Variants in FAM168A observed in about 807,000 individuals in gnomAD.
The protein encoded by FAM168A is protein FAM168A.
FAM168A carries 3 observed loss-of-function variants against 28.5 expected under a neutral mutation model. The ratio of observed to expected loss-of-function variants is 0.11; its 90% CI spans 0.05 to 0.27. The LOEUF (loss-of-function observed/expected upper bound fraction) is 0.27, where lower values mean the gene tolerates loss of function less well. Ranked by LOEUF, FAM168A falls within the 10% of genes least tolerant of loss-of-function variation. The pLI is 1.00. For synonymous variants in FAM168A, 122 were observed against 124.2 expected, an observed-to-expected ratio of 0.98 and a Z score of 0.12; for missense variants, 222 against 311.5, an observed-to-expected ratio of 0.71 and a Z score of 2.16.
chr11:73,542,355 T>A (rs1219103136), intron 1 of FAM168A, among the ~76,000 whole-genome samples: 1 of 152,224 alleles, frequency 6.6e-6, no homozygotes, highest in Admixed American at 6.5e-5. Flanking sequence ...ACTCTATAAG[T>A]GGCAATTCTA....
intron 2 of FAM168A, among the ~76,000 whole-genome samples, chr11:73,433,262 T>C (rs562718070): frequency 7.4e-4 from 112 of 151,948 alleles, no homozygotes; most frequent in Non-Finnish European, 1.4e-3. Context: ...CTGCAGAAGT[T>C]CTTTATATAT....
chr11:73,527,359 C>T (rs1049675282), intron 1 of FAM168A, among the ~76,000 whole-genome samples: 3 of 152,144 alleles, frequency 2.0e-5, no homozygotes, highest in Non-Finnish European at 4.4e-5. Context: ...TAAGCCCTGA[C>T]CCATCCCACA....
At position 73,556,221 on chromosome 11, in the gene FAM168A, T is replaced by C. The variant is rs376677141; in HGVS notation, c.-19+41702A>G. 3.9e-4 allele frequency among the ~76,000 whole-genome samples: 60 copies of C among 152,108 alleles called. No individual in the cohort carries two copies. The South Asian group carries it at 0.012, about 32-fold the overall frequency. The stretch of plus-strand genomic sequence containing the variant: ...TTAATTAGCCAAGTGTGGTGATACA[T>C]GCCTGTAGTCCTAGCTGGTTGGGAG... On this transcript the variant is annotated intron_variant, in intron 1 of 7. Transcript: ENST00000356467.
At chr11:73,563,683 A>G (rs1943985169) in intron 1 of FAM168A, among the ~76,000 whole-genome samples, 1 of 152,186 alleles carries the variant, frequency 6.6e-6, no homozygotes, top group Non-Finnish European at 1.5e-5. Context: ...ACTCACAACA[A>G]CCCTTTGAGC....
intron 1 of FAM168A, among the ~76,000 whole-genome samples, chr11:73,541,044 A>C (rs1481809930): frequency 6.6e-6 from 1 of 152,042 alleles, no homozygotes; most frequent in African/African-American, 2.4e-5. Context: ...CTCTCTACTA[A>C]AAATACGAAA....
intron 1 of FAM168A, among the ~76,000 whole-genome samples, chr11:73,525,243 G>A (rs374581500): frequency 1.3e-5 from 2 of 152,042 alleles, no homozygotes; most frequent in Admixed American, 6.6e-5. Flanking sequence ...AGACACGTAC[G>A]AACAGTAGAG....
intron 1 of FAM168A, among the ~76,000 whole-genome samples, chr11:73,552,362 C>T (rs1446922427): frequency 1.3e-5 from 2 of 152,146 alleles, no homozygotes; most frequent in Non-Finnish European, 2.9e-5. Context: ...TACATGGTAA[C>T]ATTTAACACT....
Position 73,430,811 on chromosome 11 carries a change from A to C in FAM168A, c.71-41T>G, listed in dbSNP as rs1297306353. 5 of 1,302,266 alleles carry C rather than the reference A, an allele frequency of 3.8e-6. No individual in the cohort carries two copies. The Admixed American group carries it at 7.2e-5, about 19-fold the overall frequency. The allele number at this position is 1,302,266 out of a possible 1,614,324, so 80.7% of individuals were successfully genotyped here. A position where few individuals can be genotyped will look rare whatever the true frequency, so the allele number is the denominator to read the frequency against. On this transcript the variant is annotated intron_variant, in intron 2 of 7. Coordinates refer to ENST00000356467, the MANE Select transcript of FAM168A (RefSeq NM_015159.3). Reference sequence around the variant, plus strand: ...AAAAGGCTTATTTAGTTAGGCAAAAAAAACAAAACAAAACAAAACAAAACA... The same window carrying C: ...AAAAGGCTTATTTAGTTAGGCAAAACAAACAAAACAAAACAAAACAAAACA...
chr11:73,575,762 G>A (rs1030437191), intron 1 of FAM168A, among the ~76,000 whole-genome samples: 2 of 151,982 alleles, frequency 1.3e-5, no homozygotes, highest in African/African-American at 4.8e-5. Context: ...CCAGCTACTC[G>A]GGAGGCTGAG....
intron 1 of FAM168A, among the ~76,000 whole-genome samples, chr11:73,589,683 C>T (rs942245965): frequency 4.6e-5 from 7 of 152,170 alleles, no homozygotes; most frequent in Admixed American, 2.6e-4. Flanking sequence ...AATCCCAACA[C>T]TTTGGGAGGC....
intron 3 of FAM168A, among the ~76,000 whole-genome samples, chr11:73,421,460 G>A (rs1866791866): frequency 6.6e-6 from 1 of 152,206 alleles, no homozygotes; most frequent in Non-Finnish European, 1.5e-5. Flanking sequence ...GGGCAGGAAA[G>A]TCACACTAAA....
rs1330110328 is a variant in FAM168A at position 73,546,432 on chromosome 11, T to A, written c.-19+51491A>T. ...CAATAACACTACTGGAAAGCACCTA[T>A]TAAAAAGCTAGCTGTTGGGCTGGGC... is the stretch of plus-strand genomic sequence containing the variant. On this transcript the variant is annotated intron_variant, in intron 1 of 7. Transcript: ENST00000356467. Among the ~76,000 whole-genome samples the A allele has an allele frequency of 3.3e-5, 5 of 152,166 alleles. No individual in the cohort carries two copies. The East Asian group carries it at 9.6e-4, about 29-fold the overall frequency.
intron 1 of FAM168A, among the ~76,000 whole-genome samples, chr11:73,538,920 G>A (rs1041135460): frequency 1.3e-5 from 2 of 152,176 alleles, no homozygotes; most frequent in Non-Finnish European, 2.9e-5. Flanking sequence ...ACTATGTTTG[G>A]TTATGGAGAT....
chr11:73,428,707 T>C (rs1052174005), intron 3 of FAM168A, among the ~76,000 whole-genome samples: 2 of 152,236 alleles, frequency 1.3e-5, no homozygotes, highest in African/African-American at 2.4e-5. Flanking sequence ...CTGTAGCTTT[T>C]ATTGTTTTTG....
chr11:73,575,239 A>G (rs2134726812), intron 1 of FAM168A, among the ~76,000 whole-genome samples: 1 of 152,362 alleles, frequency 6.6e-6, no homozygotes, highest in African/African-American at 2.4e-5. Context: ...GAAGTCCTTT[A>G]ATTTTGGTGA....
At chr11:73,434,278 G>A (rs1397786124) in intron 2 of FAM168A, among the ~76,000 whole-genome samples, 1 of 152,178 alleles carries the variant, frequency 6.6e-6, no homozygotes, top group African/African-American at 2.4e-5. Flanking sequence ...TATCCTAAGA[G>A]GGTGGGAGAA....
rs1177565473 is a variant in FAM168A, at chr11:73,419,854, A to G, written c.277+20T>C. On this transcript the variant is annotated intron_variant, in intron 4 of 7. Transcript: ENST00000356467. ...AGTCCCAACCAAGGGGAACAAGGAA[A>G]TGAGACAGGCTGTATTTACTGAAAG... 1 of 1,613,490 alleles carries G rather than the reference A, an allele frequency of 6.2e-7. No homozygotes were observed. Among genetic ancestry groups the G allele is most frequent in the Non-Finnish European group, 8.5e-7 (1 of 1,179,658 alleles).
chr11:73,498,331 C>G (rs558447950), intron 1 of FAM168A, among the ~76,000 whole-genome samples: 92 of 152,274 alleles, frequency 6.0e-4, no homozygotes, highest in African/African-American at 2.2e-3. Context: ...CCCCCTTCCC[C>G]CCAGCCAAGG....
At chr11:73,521,024 T>C (rs1405866464) in intron 1 of FAM168A, among the ~76,000 whole-genome samples, 2 of 152,198 alleles carry the variant, frequency 1.3e-5, no homozygotes, top group Non-Finnish European at 2.9e-5. Context: ...TTTACATTTG[T>C]TGAAACCAGT....
Sources: gnomAD v4.1 joint callset for allele counts (sites outside exome capture counted in the v4.1 genomes callset) on GRCh38, gnomAD v4.1.1 for gene constraint, MANE v1.5 for transcripts, NCBI Gene and HGNC (gene_info 2026-07-23, HGNC 2026-07-21) for gene names.